Variants in TET1 observed in about 807,000 individuals in gnomAD.
TET1 encodes tet methylcytosine dioxygenase 1.
TET1 carries 13 observed loss-of-function variants against 148.7 expected under a neutral mutation model. That is an observed-to-expected ratio of 0.09 (90% CI 0.06 to 0.14). TET1 has a LOEUF of 0.14. TET1 is among the 10% of genes least tolerant of loss of function. TET1 has a pLI of 1.00. For missense variants in TET1, 2,182 were observed against 2,553.8 expected (o/e 0.85, Z 3.14); for synonymous variants, 907 against 937.2 (o/e 0.97, Z 0.59).
At chr10:68,614,281 T>C (rs1373936100) in intron 3 of TET1, among the ~76,000 whole-genome samples, 4 of 152,206 alleles carry the variant, frequency 2.6e-5, no homozygotes, top group Admixed American at 2.0e-4. Context: ...TACTATAAGG[T>C]CTAACAGCTA....
intron 2 of TET1, among the ~76,000 whole-genome samples, chr10:68,588,567 T>C (rs1446703414): frequency 6.6e-6 from 1 of 151,994 alleles, no homozygotes; most frequent in Non-Finnish European, 1.5e-5. Flanking sequence ...GACTGAGAGG[T>C]GGACTGGTTG....
At chr10:68,638,736 T>A (rs977416689) in intron 3 of TET1, among the ~76,000 whole-genome samples, 1 of 150,816 alleles carries the variant, frequency 6.6e-6, no homozygotes, top group Non-Finnish European at 1.5e-5. Context: ...AGCTGTTTCT[T>A]GATACAGGAA....
chr10:68,624,637 T>C (rs1416659388), intron 3 of TET1, among the ~76,000 whole-genome samples: 4 of 45,508 alleles, frequency 8.8e-5, no homozygotes, highest in Non-Finnish European at 1.5e-4. Flanking sequence ...TCTTTCTTTC[T>C]TTCTTTCTTT....
chr10:68,691,784 C>T lies in TET1; in HGVS notation c.6381C>T (p.His2127=), dbSNP rs549188489. The T allele has an allele frequency of 6.8e-6, 11 of 1,613,662 alleles. No homozygotes were observed. The highest frequency in any genetic ancestry group is 5.5e-5 in the South Asian group (5 of 91,054). The part of the protein sequence containing the change: ...VVTVSPYALT[H]VAGPYNHWV ...CCGTGTCCCCTTATGCTCTCACACA[C>T]GTTGCGGGGCCCTATAACCATTGGG... The change falls in exon 12 of 12, where the codon CAC becomes CAT. Residue 2127 remains histidine (H), a synonymous_variant. Coordinates refer to ENST00000373644, the MANE Select transcript of TET1 (RefSeq NM_030625.3). This position sits in a 1 kb window ranked among gnomAD's most constrained non-coding sequence, Gnocchi z 4.4.
chr10:68,645,683 C>T lies in TET1; in HGVS notation c.2954C>T (p.Ala985Val). ...TTLSNSHINS[A>V]TNQASTKSHE... ...CTTTCCAACTCACATATCAACTCAG[C>T]TACTAACCAAGCATCCACAAAGTCA... The change falls in exon 4 of 12, where the codon GCT becomes GTT. Residue 985 changes from alanine to valine, a missense_variant. By Grantham distance (64) the Ala-to-Val change is moderately conservative (BLOSUM62 0). This residue lies in a region of TET1 where 582 missense variants were observed against 599.5 expected (regional missense o/e 0.97). Transcript: ENST00000373644. The T allele has an allele frequency of 6.2e-7, 1 of 1,614,162 alleles. No homozygotes were observed. Among genetic ancestry groups the T allele is most frequent in the Non-Finnish European group, 8.5e-7 (1 of 1,180,028 alleles).
At chr10:68,604,996 T>C (rs1384622301) in intron 3 of TET1, among the ~76,000 whole-genome samples, 1 of 152,198 alleles carries the variant, frequency 6.6e-6, no homozygotes, top group Non-Finnish European at 1.5e-5. Flanking sequence ...TTATAAAATA[T>C]CATCAGAGTA....
intron 3 of TET1, among the ~76,000 whole-genome samples, chr10:68,634,761 T>C (rs1344284736): frequency 2.0e-5 from 3 of 152,078 alleles, no homozygotes; most frequent in Middle Eastern, 3.2e-3. Context: ...TAAATGTTCT[T>C]TTTTGTTTGT....
intron 2 of TET1, among the ~76,000 whole-genome samples, chr10:68,584,883 C>T (rs915653167): frequency 6.0e-5 from 9 of 150,746 alleles, no homozygotes; most frequent in South Asian, 2.1e-4. Flanking sequence ...TGCAGTGGTG[C>T]GATCTAAGCT....
At chr10:68,688,674 G>A (rs1384040666) in intron 11 of TET1, among the ~76,000 whole-genome samples, 3 of 151,816 alleles carry the variant, frequency 2.0e-5, no homozygotes, top group Admixed American at 1.3e-4. Context: ...TCCTGACCTC[G>A]TGATCTGCCC....
At chr10:68,665,362 G>A (rs10998375) in intron 6 of TET1, among the ~76,000 whole-genome samples, 29,339 of 151,774 alleles carry the variant, frequency 0.19, 3,706 homozygotes, top group African/African-American at 0.35. Context: ...ATCAATTTTG[G>A]GAAAATTGAC....
intron 2 of TET1, among the ~76,000 whole-genome samples, chr10:68,576,765 C>T (rs2053735779): frequency 6.6e-6 from 1 of 152,142 alleles, no homozygotes; most frequent in African/African-American, 2.4e-5. Context: ...CAGAGTCTCA[C>T]TCTGTCACCC....
At chr10:68,577,718 A>T (rs1453681046) in intron 2 of TET1, among the ~76,000 whole-genome samples, 1 of 152,176 alleles carries the variant, frequency 6.6e-6, no homozygotes, top group Non-Finnish European at 1.5e-5. Context: ...CTAAGGCAGG[A>T]GAATCGCTTG....
At chr10:68,561,503 T>C (rs1446411693) in intron 1 of TET1, among the ~76,000 whole-genome samples, 1 of 152,168 alleles carries the variant, frequency 6.6e-6, no homozygotes, top group East Asian at 1.9e-4. Context: ...CGCGCTGGCC[T>C]TGCGATCCCA....
At chr10:68,666,686 T>C (rs1434422783) in intron 6 of TET1, among the ~76,000 whole-genome samples, 1 of 152,208 alleles carries the variant, frequency 6.6e-6, no homozygotes, top group Non-Finnish European at 1.5e-5. Flanking sequence ...TGTTTGTTAG[T>C]CATATAGGTT....
intron 3 of TET1, among the ~76,000 whole-genome samples, chr10:68,609,191 C>T (rs558472543): frequency 1.3e-5 from 2 of 151,476 alleles, no homozygotes; most frequent in South Asian, 2.1e-4. Flanking sequence ...GATGGAGTTT[C>T]GCTCTTGTTG....
chr10:68,629,087 G>C (rs540419474), intron 3 of TET1, among the ~76,000 whole-genome samples: 1 of 152,130 alleles, frequency 6.6e-6, no homozygotes, highest in Non-Finnish European at 1.5e-5. Flanking sequence ...CATGTATGCC[G>C]GGCGCGGTGG....
At chr10:68,667,522 G>A (rs539095295) in intron 7 of TET1, among the ~76,000 whole-genome samples, 2 of 152,222 alleles carry the variant, frequency 1.3e-5, no homozygotes, top group South Asian at 2.1e-4. Flanking sequence ...TTGGGAGGCC[G>A]AGGCAGGAGG....
chr10:68,632,279 G>A (rs1027494458), intron 3 of TET1: 1 of 1,053,904 alleles, frequency 9.5e-7, no homozygotes, highest in Non-Finnish European at 1.4e-6. Flanking sequence ...CCGAGATCCC[G>A]CCACTGCACT....
intron 3 of TET1, among the ~76,000 whole-genome samples, chr10:68,639,809 T>C (rs562749845): frequency 6.6e-6 from 1 of 152,252 alleles, no homozygotes; most frequent in African/African-American, 2.4e-5. Context: ...ATCTTTCCTA[T>C]AGAGAAATAC....
Sources: gnomAD v4.1 joint callset for allele counts (sites outside exome capture counted in the v4.1 genomes callset) on GRCh38, gnomAD v4.1.1 for gene constraint, gnomAD v4.1.1 regional missense constraint, Gnocchi (gnomAD v3.1) non-coding constraint, MANE v1.5 for transcripts, NCBI Gene and HGNC (gene_info 2026-07-23, HGNC 2026-07-21) for gene names.